Variants in MYH14 observed in about 807,000 individuals in gnomAD.
MYH14 encodes myosin-14.
Under a neutral mutation model 255.5 loss-of-function variants are expected in MYH14, and 123 were observed. The ratio of observed to expected loss-of-function variants is 0.48; its 90% confidence interval spans 0.42 to 0.56. The LOEUF is 0.56. Among genes scored for constraint, MYH14 ranks in the 20% least tolerant of loss-of-function variants. The pLI is 0.00. For missense variants in MYH14, 2,423 were observed against 2,802.3 expected (o/e 0.86, Z 3.06); for synonymous variants, 1,095 against 1,161.2 (o/e 0.94, Z 1.16).
intron 2 of MYH14, among the ~76,000 whole-genome samples, chr19:50,211,811 C>T (rs2032208878): frequency 6.7e-6 from 1 of 149,904 alleles, no homozygotes; most frequent in Non-Finnish European, 1.5e-5. Flanking sequence ...AAACCCCATC[C>T]CTGCAAAAAA....
chr19:50,309,526 T>C, intron 42 of MYH14, 114 bp from the exon 43 acceptor site: 1 of 750,940 alleles, frequency 1.3e-6, no homozygotes, highest in South Asian at 1.7e-5. Flanking sequence ...CTTATTTTGT[T>C]CTCTCTCTTC....
chr19:50,266,872 C>T lies in MYH14; in HGVS notation c.2695-5C>T, dbSNP rs1224809365. ...AGCCATTCCACCCCTTTCACCTCCA[C>T]CTAGGTGAAGCCACTGCTGCAGGTG... On this transcript the variant is annotated splice_region_variant and splice_polypyrimidine_tract_variant and intron_variant, in intron 22 of 42. Transcript: ENST00000642316. This position sits in a 1 kb window ranked among gnomAD's most constrained non-coding sequence, Gnocchi z 4.1. 3 of 1,551,710 alleles carry T rather than the reference C, an allele frequency of 1.9e-6. No homozygotes were observed. The highest frequency in any genetic ancestry group is 2.0e-5 in the Admixed American group (1 of 51,012).
intron 23 of MYH14, among the ~76,000 whole-genome samples, chr19:50,267,660 C>A (rs182811666): frequency 2.2e-4 from 29 of 130,846 alleles, no homozygotes; most frequent in Admixed American, 2.1e-3. Context: ...TAGAACAAAC[C>A]CCTTCTTGAG....
At chr19:50,226,637 G>A (rs1483473658) in intron 7 of MYH14, among the ~76,000 whole-genome samples, 1 of 152,116 alleles carries the variant, frequency 6.6e-6, no homozygotes, top group Non-Finnish European at 1.5e-5. Flanking sequence ...AGGGAGGAGG[G>A]GCTGGAGGCT....
rs1303854176 is a variant in MYH14 at position 50,281,697 on chromosome 19, G to T, written c.4394G>T (p.Arg1465Leu). Residue 1465 changes from arginine to leucine, a missense_variant, in exon 33 of 43, where the codon CGC (arginine) becomes CTC (leucine). Physicochemically the swap from Arg to Leu is moderately radical, Grantham distance 102 (BLOSUM62 -2). Transcript: ENST00000642316. ...CGGGAGGCCGAGGCCCTGACCCAGC[G>T]CCTGGCAGAAAAGACAGAGACCGTG... ...AAREAEALTQRLAEKTETVDR... is the reference protein window; with the variant it reads ...AAREAEALTQLLAEKTETVDR... The T allele has an allele frequency of 3.1e-6, 5 of 1,612,122 alleles. No homozygotes were observed. Among genetic ancestry groups the T allele is most frequent in the Non-Finnish European group, 2.5e-6 (3 of 1,179,562 alleles).
At chr19:50,295,076 A>G (rs1601048797) in intron 39 of MYH14, among the ~76,000 whole-genome samples, 1 of 151,258 alleles carries the variant, frequency 6.6e-6, no homozygotes, top group East Asian at 1.9e-4. Flanking sequence ...CTGTAATCCC[A>G]GAACTTTGGG....
chr19:50,284,268 T>C (rs1020261730), intron 33 of MYH14, among the ~76,000 whole-genome samples: 5 of 152,184 alleles, frequency 3.3e-5, no homozygotes, highest in Non-Finnish European at 7.3e-5. Context: ...TTTGTTGTTT[T>C]ATAGATTGTG....
rs1274029599 is a variant in MYH14 at position 50,231,784 on chromosome 19, A to G, written c.974-146A>G. Reference sequence around the variant, plus strand: ...GTGCTAAACGCCCACTCCACCCCCGACCCTTCCCACCACACTTGTGAGTAA... The same window carrying G: ...GTGCTAAACGCCCACTCCACCCCCGGCCCTTCCCACCACACTTGTGAGTAA... On this transcript the variant is annotated intron_variant, in intron 9 of 42. Transcript: ENST00000642316. 9 of 1,046,678 alleles carry G rather than the reference A, an allele frequency of 8.6e-6. No individual in the cohort carries two copies. In the African/African-American group the frequency reaches 9.6e-5, roughly 11 times the overall value. The allele number at this position is 1,046,678 out of a possible 1,614,324, so 64.8% of individuals were successfully genotyped here.
chr19:50,255,427 G>C, intron 17 of MYH14, 109 bp downstream of exon 17: 1 of 806,850 alleles, frequency 1.2e-6, no homozygotes, highest in Non-Finnish European at 2.1e-6. Context: ...TTACTGTGGA[G>C]GTCTCTCACT....
chr19:50,242,829 G>A lies in MYH14; in HGVS notation c.1115-1413G>A, dbSNP rs566010824. Reference sequence around the variant, plus strand: ...CACACTCAGCTCACATCAGACAGGGGTGGTGTTCTGCCTTCTGGTTTCAGT... The same window carrying A: ...CACACTCAGCTCACATCAGACAGGGATGGTGTTCTGCCTTCTGGTTTCAGT... On this transcript the variant is annotated intron_variant, in intron 10 of 42. Transcript: ENST00000642316. 5.3e-5 allele frequency among the ~76,000 whole-genome samples: 8 copies of A among 152,272 alleles called. No individual in the cohort carries two copies. The South Asian group carries it at 1.7e-3, about 32-fold the overall frequency.
chr19:50,300,932 C>T (rs1428949636), intron 39 of MYH14, among the ~76,000 whole-genome samples: 2 of 147,946 alleles, frequency 1.4e-5, no homozygotes, highest in Non-Finnish European at 3.0e-5. Context: ...AAAACTGTCT[C>T]AAAAAAAGTT....
intron 22 of MYH14, among the ~76,000 whole-genome samples, chr19:50,264,769 A>G (rs2035021197): frequency 6.6e-6 from 1 of 152,140 alleles, no homozygotes; most frequent in African/African-American, 2.4e-5. Flanking sequence ...GCCCAGCTGG[A>G]GTCATGTGAC....
chr19:50,228,599 C>T (rs1420328702), intron 8 of MYH14, among the ~76,000 whole-genome samples: 1 of 152,172 alleles, frequency 6.6e-6, no homozygotes, highest in Non-Finnish European at 1.5e-5. Flanking sequence ...CTCATGGCTG[C>T]TCCTTCCTCC....
At chr19:50,241,084 A>G (rs1346438587) in intron 10 of MYH14, among the ~76,000 whole-genome samples, 1 of 152,240 alleles carries the variant, frequency 6.6e-6, no homozygotes, top group Non-Finnish European at 1.5e-5. Flanking sequence ...AAACTGTTCT[A>G]GAATGAATGG....
chr19:50,288,240 C>G (rs78106619), intron 34 of MYH14, among the ~76,000 whole-genome samples: 3 of 152,194 alleles, frequency 2.0e-5, no homozygotes, highest in Non-Finnish European at 4.4e-5. Context: ...GTCTTGACAT[C>G]CTTATTTCTT....
In MYH14 at chr19:50,308,813, G is replaced by A; in HGVS notation, c.5788-192G>A. On this transcript the variant is annotated intron_variant, in intron 41 of 42. Coordinates refer to ENST00000642316, the MANE Select transcript of MYH14 (RefSeq NM_001145809.2). ...GGCCATGTAGGAGACAACCTGGAGGGGAGAGACTGGAGGTCAGGGTAGAGG... is the reference window on the plus strand; with the variant it reads ...GGCCATGTAGGAGACAACCTGGAGGAGAGAGACTGGAGGTCAGGGTAGAGG... The A allele has an allele frequency of 4.9e-6, 3 of 609,926 alleles. No individual in the cohort carries two copies. The South Asian group carries it at 6.9e-5, about 14-fold the overall frequency. The allele number at this position is 609,926 out of a possible 1,614,324, so 37.8% of individuals were successfully genotyped here. A position where few individuals can be genotyped will look rare whatever the true frequency, so the allele number is the denominator to read the frequency against.
At chr19:50,219,458 C>T (rs1436675349) in intron 3 of MYH14, among the ~76,000 whole-genome samples, 2 of 152,132 alleles carry the variant, frequency 1.3e-5, no homozygotes, top group Non-Finnish European at 2.9e-5. Flanking sequence ...TAAACTAGTA[C>T]AACCACTATT....
At chr19:50,271,312 C>T (rs184548379) in intron 24 of MYH14, 97 bp from the exon 25 acceptor site, 5 of 1,330,660 alleles carry the variant, frequency 3.8e-6, no homozygotes, top group Admixed American at 2.2e-5. Context: ...CCACAAGCCG[C>T]GGGGATCCGT....
chr19:50,302,152 C>T (rs1450020065), intron 40 of MYH14, among the ~76,000 whole-genome samples: 4 of 146,638 alleles, frequency 2.7e-5, no homozygotes, highest in South Asian at 4.3e-4. Context: ...GGTGTGTTAG[C>T]GTGTGCCTGT....
Sources: allele counts gnomAD v4.1 joint callset (sites outside exome capture counted in the v4.1 genomes callset), GRCh38; gene constraint gnomAD v4.1.1; non-coding constraint Gnocchi (gnomAD v3.1); transcripts MANE v1.5; gene names NCBI Gene and HGNC (gene_info 2026-07-23, HGNC 2026-07-21).